TRIO: variants seen among roughly 807,000 people sequenced by gnomAD.
The protein encoded by TRIO is triple functional domain protein.
In TRIO, 58 loss-of-function variants were observed where a neutral mutation model predicts 351.9. The ratio of observed to expected loss-of-function variants is 0.16; its 90% CI spans 0.13 to 0.21. The LOEUF (loss-of-function observed/expected upper bound fraction) is 0.21. Among genes scored for constraint, TRIO ranks in the 10% least tolerant of loss-of-function variants. The pLI, the probability that TRIO is intolerant of heterozygous loss-of-function variation, is 1.00. For missense variants in TRIO, 3,201 were observed against 4,027.8 expected, an observed-to-expected ratio of 0.79 and a Z score of 5.56; for synonymous variants, 1,758 against 1,595.7, an observed-to-expected ratio of 1.10 and a Z score of -2.42.
chr5:14,146,416 C>T (rs920968900), intron 1 of TRIO, among the ~76,000 whole-genome samples: 2 of 152,200 alleles, frequency 1.3e-5, no homozygotes, highest in Non-Finnish European at 2.9e-5. Context: ...TTTCTCAGCC[C>T]TGAAACTCTG....
At chr5:14,422,250 G>T (rs898184503) in intron 34 of TRIO, among the ~76,000 whole-genome samples, 2 of 152,136 alleles carry the variant, frequency 1.3e-5, no homozygotes, top group Admixed American at 6.5e-5. Context: ...ACTCAGGGAC[G>T]GTATGGAACT....
At chr5:14,426,805 A>C (rs1750682107) in intron 34 of TRIO, among the ~76,000 whole-genome samples, 1 of 152,174 alleles carries the variant, frequency 6.6e-6, no homozygotes, top group Non-Finnish European at 1.5e-5. Context: ...GACTCTCAGC[A>C]CAGACGGTCA....
intron 1 of TRIO, among the ~76,000 whole-genome samples, chr5:14,230,265 A>G (rs1046829120): frequency 6.6e-5 from 10 of 152,102 alleles, no homozygotes; most frequent in African/African-American, 2.4e-4. Context: ...AAAATGGGTG[A>G]AATGGAGTTG....
chr5:14,470,990 T>C (rs1318610081), intron 37 of TRIO, among the ~76,000 whole-genome samples: 4 of 152,208 alleles, frequency 2.6e-5, no homozygotes, highest in African/African-American at 9.7e-5. Context: ...ATTAAATATG[T>C]GTGATATGTC....
At chr5:14,168,769 T>C (rs1788928598) in intron 1 of TRIO, among the ~76,000 whole-genome samples, 1 of 152,246 alleles carries the variant, frequency 6.6e-6, no homozygotes, top group South Asian at 2.1e-4. Context: ...TTACTATATG[T>C]CCATCTATGT....
chr5:14,294,672 C>A (rs1261497814), intron 6 of TRIO, among the ~76,000 whole-genome samples: 1 of 152,158 alleles, frequency 6.6e-6, no homozygotes, highest in African/African-American at 2.4e-5. Flanking sequence ...GCTTTTAATT[C>A]TGACTTTCTT....
intron 1 of TRIO, among the ~76,000 whole-genome samples, chr5:14,196,422 C>CAA (rs71597902): frequency 0.12 from 11,847 of 101,222 alleles, 1,006 homozygotes; most frequent in African/African-American, 0.16. Context: ...GACTCCGTCT[C>CAA]AAAAAAAAAA....
intron 40 of TRIO, among the ~76,000 whole-genome samples, chr5:14,474,938 G>A (rs1218500084): frequency 1.3e-5 from 2 of 152,088 alleles, no homozygotes; most frequent in African/African-American, 4.8e-5. Context: ...GCCTCCCAAA[G>A]TGCTGGGATT....
Position 14,481,600 on chromosome 5 carries a change from G to A in TRIO, c.6447G>A (p.Gly2149=), listed in dbSNP as rs878856271. ...GGTGCAACGACATGATGAACGTGGG[G>A]CGGCTGCAAGGATTCGACGTAATGC... ...PRRCNDMMNV[G]RLQGFDGKIV... The change falls in exon 45 of 57, where the codon GGG becomes GGA. Residue 2149 remains glycine, a synonymous_variant. Transcript: ENST00000344204. 7 of 1,613,924 alleles carry A rather than the reference G, an allele frequency of 4.3e-6. 1 individual carries two copies. The Admixed American group carries it at 1.2e-4, about 27-fold the overall frequency.
intron 1 of TRIO, among the ~76,000 whole-genome samples, chr5:14,250,558 A>AT (rs1336279223): frequency 2.6e-5 from 4 of 152,090 alleles, no homozygotes; most frequent in Non-Finnish European, 4.4e-5. Context: ...CCGCTTGCCT[A>AT]TTTATTAGGG....
At chr5:14,493,570 G>A (rs1756653970) in intron 49 of TRIO, among the ~76,000 whole-genome samples, 1 of 152,114 alleles carries the variant, frequency 6.6e-6, no homozygotes, top group Non-Finnish European at 1.5e-5. Flanking sequence ...TCCACCAACT[G>A]TCCATTCCCC....
intron 34 of TRIO, among the ~76,000 whole-genome samples, chr5:14,431,022 A>G (rs1751073337): frequency 6.6e-6 from 1 of 152,174 alleles, no homozygotes; most frequent in African/African-American, 2.4e-5. Context: ...TGAATTTTGA[A>G]TAAGACAGTT....
At chr5:14,278,067 G>A (rs1052501991) in intron 2 of TRIO, among the ~76,000 whole-genome samples, 3 of 152,180 alleles carry the variant, frequency 2.0e-5, no homozygotes, top group Non-Finnish European at 4.4e-5. Context: ...TTCAGATTCA[G>A]GTGTCTATAA....
chr5:14,295,758 G>A (rs769626900), intron 6 of TRIO, among the ~76,000 whole-genome samples: 12 of 152,340 alleles, frequency 7.9e-5, no homozygotes, highest in Admixed American at 2.0e-4. Context: ...CAGTTAGAGC[G>A]TTAATGCCAC....
chr5:14,219,253 T>C (rs1310981914), intron 1 of TRIO, among the ~76,000 whole-genome samples: 1 of 151,566 alleles, frequency 6.6e-6, no homozygotes, highest in Non-Finnish European at 1.5e-5. Flanking sequence ...TTTTTTTGTT[T>C]ACTCTGCAAA....
At chr5:14,484,582 G>A (rs945005003) in intron 46 of TRIO, among the ~76,000 whole-genome samples, 6 of 152,188 alleles carry the variant, frequency 3.9e-5, no homozygotes, top group Non-Finnish European at 8.8e-5. Context: ...GGCCAGTGGG[G>A]ATCAATGTGC....
chr5:14,352,234 C>CA (rs1416379840), intron 11 of TRIO, among the ~76,000 whole-genome samples: 1 of 152,224 alleles, frequency 6.6e-6, no homozygotes, highest in East Asian at 1.9e-4. Flanking sequence ...GGGCACCTCT[C>CA]AGCACTAGAG....
At chr5:14,338,715 G>C (rs886297500) in intron 11 of TRIO, among the ~76,000 whole-genome samples, 1 of 152,192 alleles carries the variant, frequency 6.6e-6, no homozygotes, top group African/African-American at 2.4e-5. Context: ...GGGGCCCAGT[G>C]ACCACAGTTG....
intron 49 of TRIO, among the ~76,000 whole-genome samples, chr5:14,493,408 G>A (rs1004697014): frequency 2.0e-5 from 3 of 152,070 alleles, no homozygotes; most frequent in Non-Finnish European, 2.9e-5. Context: ...TCACATTTTG[G>A]TGATTCTCAA....
Sources: allele counts gnomAD v4.1 joint callset (sites outside exome capture counted in the v4.1 genomes callset), GRCh38; gene constraint gnomAD v4.1.1; transcripts MANE v1.5; gene names NCBI Gene and HGNC (gene_info 2026-07-23, HGNC 2026-07-21).